SH3D19: variants seen among roughly 807,000 people sequenced by gnomAD.
The protein encoded by SH3D19 is SH3 domain containing 19, also known as SH3 domain-containing protein 19.
SH3D19 carries 58 observed loss-of-function variants against 112.1 expected under a neutral mutation model. That is an observed-to-expected ratio of 0.52 (90% CI 0.42 to 0.64). SH3D19 has a LOEUF of 0.64. Ranked by LOEUF, SH3D19 falls within the 30% of genes least tolerant of loss-of-function variation. The pLI, the probability that SH3D19 is intolerant of heterozygous loss-of-function variation, is 0.00. For missense variants in SH3D19, 1,090 were observed against 1,263.4 expected (o/e 0.86, Z 2.08); for synonymous variants, 391 against 448.5 (o/e 0.87, Z 1.62).
At chr4:151,219,267 CA>C (rs1767642901) in intron 2 of SH3D19, among the ~76,000 whole-genome samples, 1 of 152,156 alleles carries the variant, frequency 6.6e-6, no homozygotes, top group South Asian at 2.1e-4. Context: ...CTGACTTCAG[CA>C]AGAATCCTAT....
chr4:151,255,247 G>A (rs374698331), intron 1 of SH3D19, among the ~76,000 whole-genome samples: 9 of 148,772 alleles, frequency 6.0e-5, no homozygotes, highest in Non-Finnish European at 1.2e-4. Context: ...GCTGCCGGGC[G>A]GAGGGGCTCC....
intron 1 of SH3D19, chr4:151,300,440 G>A (rs1233289593): frequency 6.6e-6 from 1 of 151,766 alleles, no homozygotes; most frequent in Admixed American, 6.6e-5. Context: ...TATTTTTAAA[G>A]CCATGTAAGC....
intron 9 of SH3D19, among the ~76,000 whole-genome samples, chr4:151,154,128 ATTTTT>A (rs547926242): frequency 9.2e-6 from 1 of 108,696 alleles, no homozygotes; most frequent in African/African-American, 3.2e-5. Flanking sequence ...CACCCGGCTG[ATTTTT>A]TTTTTTTTTT....
intron 9 of SH3D19, among the ~76,000 whole-genome samples, chr4:151,158,158 T>C (rs1049339527): frequency 6.6e-6 from 1 of 152,212 alleles, no homozygotes; most frequent in Non-Finnish European, 1.5e-5. Flanking sequence ...ATCTGATCCC[T>C]ATATAGTATA....
chr4:151,202,179 C>G (rs900701960), intron 2 of SH3D19, among the ~76,000 whole-genome samples: 2 of 151,834 alleles, frequency 1.3e-5, no homozygotes, highest in African/African-American at 4.8e-5. Context: ...ACTAAAAATA[C>G]AAAAAATTAG....
At position 151,135,214 on chromosome 4, in the gene SH3D19, T is replaced by C. The variant is rs1001733999; in HGVS notation, c.2428-82A>G. 4 of 1,134,650 alleles carry C rather than the reference T, an allele frequency of 3.5e-6. No individual in the cohort carries two copies. In the Admixed American group the frequency reaches 8.9e-5, roughly 25 times the overall value. The allele number at this position is 1,134,650 out of a possible 1,614,324, so 70.3% of individuals were successfully genotyped here. A position where few individuals can be genotyped will look rare whatever the true frequency, so the allele number is the denominator to read the frequency against. On this transcript the variant is annotated intron_variant, in intron 14 of 19. Coordinates refer to ENST00000604030, the MANE Select transcript of SH3D19 (RefSeq NM_001378122.1). ...AATTTAAGGTTAAGTAATTAGAAAG[T>C]ACATGACTGAAATCGATCGGTTTAG...
intron 1 of SH3D19, chr4:151,262,733 G>GTC (rs1274238766): frequency 4.6e-5 from 7 of 150,734 alleles, no homozygotes; most frequent in Non-Finnish European, 1.0e-4. Context: ...GAGATCCCGT[G>GTC]ATGTGTCAAG....
At chr4:151,234,958 C>G (rs1209802157) in intron 1 of SH3D19, among the ~76,000 whole-genome samples, 2 of 151,992 alleles carry the variant, frequency 1.3e-5, no homozygotes, top group Non-Finnish European at 2.9e-5. Flanking sequence ...CTTTGTTGCC[C>G]AGGCTGGTCT....
At chr4:151,253,860 T>C (rs1378888060) in intron 1 of SH3D19, among the ~76,000 whole-genome samples, 2 of 152,274 alleles carry the variant, frequency 1.3e-5, no homozygotes, top group African/African-American at 4.8e-5. Flanking sequence ...TATGTTTTCA[T>C]ACCTCTATTC....
intron 17 of SH3D19, among the ~76,000 whole-genome samples, chr4:151,130,490 A>T (rs971422184): frequency 3.3e-5 from 5 of 152,046 alleles, no homozygotes; most frequent in Non-Finnish European, 5.9e-5. Context: ...AAACAACAAA[A>T]AACTAAAAAC....
At chr4:151,210,681 G>A (rs539655601) in intron 2 of SH3D19, among the ~76,000 whole-genome samples, 6 of 151,916 alleles carry the variant, frequency 3.9e-5, no homozygotes, top group African/African-American at 7.2e-5. Context: ...GATTACAGGC[G>A]TGAGCCACTG....
intron 9 of SH3D19, among the ~76,000 whole-genome samples, chr4:151,150,184 C>CAAAA (rs759365990): frequency 0.19 from 1,394 of 7,180 alleles, 549 homozygotes; most frequent in Admixed American, 0.4. Context: ...GACTCCATCT[C>CAAAA]AAAAAAAAAA....
intron 1 of SH3D19, among the ~76,000 whole-genome samples, chr4:151,267,419 C>T (rs1273844095): frequency 6.6e-6 from 1 of 152,002 alleles, no homozygotes; most frequent in East Asian, 1.9e-4. Flanking sequence ...CCTTACATTA[C>T]ACCAAAATAA....
chr4:151,213,543 G>A (rs1199484787), intron 2 of SH3D19, among the ~76,000 whole-genome samples: 1 of 152,052 alleles, frequency 6.6e-6, no homozygotes, highest in Non-Finnish European at 1.5e-5. Flanking sequence ...TACTTGGGAG[G>A]CTGAGGTGGG....
intron 3 of SH3D19, among the ~76,000 whole-genome samples, chr4:151,182,684 A>T (rs886968269): frequency 1.3e-5 from 2 of 152,214 alleles, no homozygotes; most frequent in Non-Finnish European, 2.9e-5. Flanking sequence ...TCAGTGCTGA[A>T]CAAGATTAAT....
chr4:151,284,428 T>C (rs1161806393), intron 1 of SH3D19, among the ~76,000 whole-genome samples: 1 of 152,250 alleles, frequency 6.6e-6, no homozygotes, highest in Admixed American at 6.5e-5. Context: ...TTCTCTCCTC[T>C]CATCCACATA....
At chr4:151,298,423 G>A (rs138805184) in intron 1 of SH3D19, among the ~76,000 whole-genome samples, 2,091 of 151,130 alleles carry the variant, frequency 0.014, 48 homozygotes, top group African/African-American at 0.047. Context: ...TGATCCTCCC[G>A]CCTCGGCCTC....
At chr4:151,235,827 C>G (rs992780745) in intron 1 of SH3D19, among the ~76,000 whole-genome samples, 6 of 152,208 alleles carry the variant, frequency 3.9e-5, no homozygotes, top group Non-Finnish European at 7.3e-5. Context: ...TTGGATCAGA[C>G]TTGGTATCTG....
intron 1 of SH3D19, among the ~76,000 whole-genome samples, chr4:151,244,503 A>G (rs1770791967): frequency 6.6e-6 from 1 of 152,230 alleles, no homozygotes; most frequent in Non-Finnish European, 1.5e-5. Flanking sequence ...TTCTTCTCAG[A>G]ATTATCTTGT....
Sources: allele counts gnomAD v4.1 joint callset (sites outside exome capture counted in the v4.1 genomes callset), GRCh38; gene constraint gnomAD v4.1.1; transcripts MANE v1.5; gene names NCBI Gene and HGNC (gene_info 2026-07-23, HGNC 2026-07-21).